The following HADH variants were observed in gnomAD, a reference collection of about 807,000 sequenced individuals.
HADH encodes hydroxyacyl-coenzyme A dehydrogenase, mitochondrial.
In HADH, 24 loss-of-function variants were observed where a neutral mutation model predicts 32.2. The ratio of observed to expected loss-of-function variants is 0.75; its 90% confidence interval spans 0.54 to 1.05. The LOEUF (loss-of-function observed/expected upper bound fraction) is 1.05, where lower values mean the gene tolerates loss of function less well. Among genes scored for constraint, HADH ranks in the 50% least tolerant of loss-of-function variants. The pLI, the probability that HADH is intolerant of heterozygous loss-of-function variation, is 0.00. For synonymous variants in HADH, 139 were observed against 152.5 expected, an observed-to-expected ratio of 0.91 and a Z score of 0.65; for missense variants, 350 against 397.1, an observed-to-expected ratio of 0.88 and a Z score of 1.01.
chr4:108,014,159 G>A (rs1412299588), intron 2 of HADH, among the ~76,000 whole-genome samples: 4 of 152,134 alleles, frequency 2.6e-5, no homozygotes, highest in Admixed American at 6.5e-5. Flanking sequence ...ATGCTAAGTC[G>A]GCTTTCTTAC....
chr4:108,003,338 A>G (rs1437370896), intron 1 of HADH, among the ~76,000 whole-genome samples: 4 of 152,260 alleles, frequency 2.6e-5, no homozygotes, highest in African/African-American at 9.6e-5. Context: ...AAGTCCTTTT[A>G]TAAAAACCTT....
At position 108,014,522 on chromosome 4, in the gene HADH, A is replaced by C; in HGVS notation, c.353A>C (p.Glu118Ala). ...SVVHSTDLVV[E>A]AIVENLKVKN... ...GTCCACAGCACAGACTTGGTGGTGG[A>C]AGCCATCGTGGAGAATCTGAAGGTG... The change falls in exon 3 of 8, where the codon GAA (glutamate) becomes GCA (alanine). Residue 118 changes from glutamate to alanine, a missense_variant. Transcript: ENST00000309522. 6.2e-7 allele frequency: 1 copy of C among 1,614,058 alleles called. No homozygotes were observed. The highest frequency in any genetic ancestry group is 8.5e-7 in the Non-Finnish European group (1 of 1,179,970).
chr4:108,028,026 G>A (rs1355907002), intron 6 of HADH: 3 of 548,624 alleles, frequency 5.5e-6, no homozygotes, highest in Admixed American at 3.1e-5. Flanking sequence ...CAATTGCATG[G>A]CCGGCCCAGA....
In HADH at chr4:108,034,489, G is replaced by A. The variant is rs1003237092; in HGVS notation, c.*132G>A. 1.3e-6 allele frequency: 1 copy of A among 743,250 alleles called. No homozygotes were observed. The highest frequency in any genetic ancestry group is 2.5e-5 in the East Asian group (1 of 39,220). 46.0% of individuals were successfully genotyped at this position (743,250 alleles called of 1,614,324 possible). On this transcript the variant is annotated 3_prime_UTR_variant, in exon 8 of 8. Coordinates refer to ENST00000309522, the MANE Select transcript of HADH (RefSeq NM_005327.7). ...AGTTTAATAAATGTGCATTTTGATT[G>A]TAATCTATCGAAGTGATTATTACAC...
intron 6 of HADH, chr4:108,028,587 T>C (rs773469278): frequency 5.9e-6 from 2 of 341,222 alleles, no homozygotes; most frequent in Non-Finnish European, 1.0e-5. Flanking sequence ...CAAAATCTGC[T>C]TTAAATATTA....
At chr4:108,027,639 C>A in intron 5 of HADH, 49 bp from the exon 6 acceptor site, 1 of 1,118,042 alleles carries the variant, frequency 8.9e-7, no homozygotes, top group Non-Finnish European at 1.4e-6. Context: ...CAAAAGATAC[C>A]ATTTAATGAA....
At chr4:108,003,821 A>C (rs1337734617) in intron 1 of HADH, among the ~76,000 whole-genome samples, 10 of 152,042 alleles carry the variant, frequency 6.6e-5, no homozygotes, top group African/African-American at 2.4e-4. Flanking sequence ...TAAAAAAAAA[A>C]AAAAACAAAA....
intron 6 of HADH, 103 bp downstream of exon 6, chr4:108,027,863 G>A (rs1736118547): frequency 3.9e-6 from 3 of 765,902 alleles, no homozygotes; most frequent in South Asian, 2.7e-5. Flanking sequence ...CACAATGGAG[G>A]AAGCAGTGTC....
chr4:108,019,474 C>G (rs1213087679), intron 3 of HADH, 66 bp from the exon 4 acceptor site: 1 of 1,463,604 alleles, frequency 6.8e-7, no homozygotes, highest in African/African-American at 1.4e-5. Context: ...GCATTGCATC[C>G]AAGAGTCATG....
intron 1 of HADH, among the ~76,000 whole-genome samples, chr4:107,995,805 G>A (rs1047312279): frequency 6.6e-6 from 1 of 152,114 alleles, no homozygotes; most frequent in African/African-American, 2.4e-5. Context: ...GTATTGTGGG[G>A]AGAAGTGTGG....
At chr4:108,017,400 T>C (rs1474397630) in intron 3 of HADH, among the ~76,000 whole-genome samples, 1 of 152,188 alleles carries the variant, frequency 6.6e-6, no homozygotes, top group African/African-American at 2.4e-5. Flanking sequence ...TTCTTTATAC[T>C]AGGGTCTGGG....
chr4:108,032,362 G>C, intron 6 of HADH: 4 of 1,599,588 alleles, frequency 2.5e-6, no homozygotes, highest in Non-Finnish European at 3.4e-6. Context: ...CTCGGGTTTG[G>C]GCTTTTCTTT....
intron 6 of HADH, chr4:108,029,878 G>A (rs111625938): frequency 4.8e-3 from 731 of 152,426 alleles, no homozygotes; most frequent in Middle Eastern, 0.017. Flanking sequence ...CTGTGACTGA[G>A]GCCTGATGCA....
chr4:107,998,495 G>A (rs1225280669), intron 1 of HADH, among the ~76,000 whole-genome samples: 1 of 152,104 alleles, frequency 6.6e-6, no homozygotes, highest in African/African-American at 2.4e-5. Context: ...GGTCAGGCTG[G>A]TCTCTAACTC....
intron 6 of HADH, chr4:108,029,202 A>G: frequency 3.4e-6 from 1 of 290,212 alleles, no homozygotes; most frequent in Admixed American, 5.2e-5. Context: ...CTCAGCCAAC[A>G]CAGAGGAGTG....
chr4:108,020,998 A>G (rs1032369412), intron 4 of HADH, among the ~76,000 whole-genome samples: 1 of 152,164 alleles, frequency 6.6e-6, no homozygotes, highest in African/African-American at 2.4e-5. Flanking sequence ...ACCATCTTGC[A>G]ATGGGACTTT....
chr4:108,002,257 G>T (rs1305921394), intron 1 of HADH, among the ~76,000 whole-genome samples: 1 of 152,294 alleles, frequency 6.6e-6, no homozygotes, highest in African/African-American at 2.4e-5. Context: ...ATTTACAGCT[G>T]CTCCCCATCA....
intron 4 of HADH, 112 bp from the exon 5 acceptor site, chr4:108,023,362 T>C: frequency 4.1e-6 from 3 of 731,434 alleles, no homozygotes; most frequent in Non-Finnish European, 7.6e-6. Context: ...ATGCTGAAAC[T>C]CAAACTATTT....
intron 1 of HADH, among the ~76,000 whole-genome samples, chr4:108,003,105 C>CTTT (rs11390276): frequency 9.0e-4 from 112 of 124,170 alleles, no homozygotes; most frequent in African/African-American, 2.1e-3. Context: ...GTGTCTTAGT[C>CTTT]TTTTTTTTTT....
Sources: gnomAD v4.1 joint callset for allele counts (sites outside exome capture counted in the v4.1 genomes callset) on GRCh38, gnomAD v4.1.1 for gene constraint, MANE v1.5 for transcripts, NCBI Gene and HGNC (gene_info 2026-07-23, HGNC 2026-07-21) for gene names.